CEP162: variants seen among roughly 807,000 people sequenced by gnomAD.
CEP162 encodes centrosomal protein of 162 kDa.
A neutral mutation model predicts 169.2 loss-of-function variants in CEP162; 141 were observed. The ratio of observed to expected loss-of-function variants is 0.83; its 90% confidence interval spans 0.73 to 0.96. The LOEUF (loss-of-function observed/expected upper bound fraction) is 0.96. CEP162 is among the 40% of genes least tolerant of loss of function. CEP162 has a pLI of 0.00. For missense variants in CEP162, 1,600 were observed against 1,587.2 expected (o/e 1.01, Z -0.14); for synonymous variants, 540 against 526.4 (o/e 1.03, Z -0.35).
chr6:84,224,609 T>C (rs2099554992), intron 2 of CEP162, among the ~76,000 whole-genome samples: 1 of 152,230 alleles, frequency 6.6e-6, no homozygotes, highest in Admixed American at 6.5e-5. Context: ...ATATAAACTA[T>C]GTCTTTGAAT....
intron 21 of CEP162, among the ~76,000 whole-genome samples, chr6:84,160,117 C>T (rs549030016): frequency 1.3e-5 from 2 of 152,186 alleles, no homozygotes; most frequent in African/African-American, 2.4e-5. Context: ...GACTTGACTA[C>T]AGAATCATGT....
intron 13 of CEP162, among the ~76,000 whole-genome samples, chr6:84,176,007 A>T (rs2099532273): frequency 1.3e-5 from 2 of 152,272 alleles, no homozygotes; most frequent in African/African-American, 4.8e-5. Context: ...AAATCATTCT[A>T]AGGCTAATAT....
At chr6:84,146,964 C>T (rs953839817) in intron 24 of CEP162, among the ~76,000 whole-genome samples, 179 bp from the exon 25 acceptor site, 4 of 152,026 alleles carry the variant, frequency 2.6e-5, no homozygotes, top group Non-Finnish European at 5.9e-5. Context: ...AATAGAATTA[C>T]CGTATTATCT....
At position 84,152,697 on chromosome 6, in the gene CEP162, G is replaced by C; in HGVS notation, c.3477C>G (p.Tyr1159Ter). 1 of 1,612,800 alleles carries C rather than the reference G, an allele frequency of 6.2e-7. No individual in the cohort carries two copies. The change falls in exon 23 of 27, where the codon TAC (tyrosine) becomes TAG (stop). Residue 1159 changes from tyrosine to a stop codon, truncating the protein, a stop_gained. Transcript: ENST00000403245. LOFTEE classifies it high-confidence loss of function. ...SFPGTLDSKL[Y>*]QPHTFTDSHV... ...GGGAATCAGTGAAAGTATGTGGTTG[G>C]TACAGCTTGCTGTCCAGGGTTCCAG...
intron 13 of CEP162, among the ~76,000 whole-genome samples, chr6:84,180,835 G>A (rs981840846): frequency 7.9e-5 from 12 of 152,016 alleles, no homozygotes; most frequent in African/African-American, 1.9e-4. Flanking sequence ...ACTGCTCAAC[G>A]AAATAAAAGA....
At chr6:84,160,389 T>C (rs1228642580) in intron 21 of CEP162, among the ~76,000 whole-genome samples, 1 of 152,168 alleles carries the variant, frequency 6.6e-6, no homozygotes, top group African/African-American at 2.4e-5. Context: ...TTTGGGAAGC[T>C]GAATGTTTTG....
At chr6:84,182,369 T>G (rs2099535250) in intron 13 of CEP162, among the ~76,000 whole-genome samples, 1 of 151,288 alleles carries the variant, frequency 6.6e-6, no homozygotes, top group African/African-American at 2.4e-5. Context: ...TGTCCTTTCA[T>G]GGCAAAAAAA....
chr6:84,157,870 G>C (rs187201457), intron 21 of CEP162, among the ~76,000 whole-genome samples: 1 of 152,222 alleles, frequency 6.6e-6, no homozygotes, highest in Admixed American at 6.5e-5. Context: ...TCTGCCGGAA[G>C]CTCTACTCCA....
chr6:84,164,424 C>T (rs1039452104), intron 18 of CEP162, among the ~76,000 whole-genome samples: 1 of 152,112 alleles, frequency 6.6e-6, no homozygotes, highest in Non-Finnish European at 1.5e-5. Flanking sequence ...GCACTATGTA[C>T]AATAGCAAAG....
At chr6:84,226,505 C>T (rs2099555806) in intron 1 of CEP162, 53 bp from the exon 2 acceptor site, 3 of 774,352 alleles carry the variant, frequency 3.9e-6, no homozygotes, top group Non-Finnish European at 6.4e-6. Context: ...AGATCATGAA[C>T]ACGACCAGAC....
chr6:84,155,011 G>C (rs2099522597), intron 22 of CEP162, among the ~76,000 whole-genome samples: 2 of 151,978 alleles, frequency 1.3e-5, no homozygotes, highest in Admixed American at 6.6e-5. Flanking sequence ...ATACATATCA[G>C]GTGTGTTTTA....
chr6:84,187,301 G>A (rs2099537594), intron 11 of CEP162, among the ~76,000 whole-genome samples: 1 of 152,104 alleles, frequency 6.6e-6, no homozygotes, highest in Admixed American at 6.6e-5. Context: ...CCAAAAATAT[G>A]GGAACTGTTA....
At position 84,175,349 on chromosome 6, in the gene CEP162, T is replaced by C. The variant is rs1457883441; in HGVS notation, c.1664-2A>G. ...TGAGTTTTGTTCCAGATAAGATTTC[T>C]AAATATTATAAACAATGTATAAATG... On this transcript the variant is annotated splice_acceptor_variant, in intron 13 of 26. Coordinates refer to ENST00000403245, the MANE Select transcript of CEP162 (RefSeq NM_014895.4). LOFTEE classifies it high-confidence loss of function. The C allele has an allele frequency of 7.8e-6, 12 of 1,530,750 alleles. No individual in the cohort carries two copies. Among genetic ancestry groups the C allele is most frequent in the Non-Finnish European group, 1.1e-5 (12 of 1,134,142 alleles). The allele number at this position is 1,530,750 out of a possible 1,614,324, so 94.8% of individuals were successfully genotyped here. A position where few individuals can be genotyped will look rare whatever the true frequency, so the allele number is the denominator to read the frequency against.
At chr6:84,163,836 C>T (rs2129211134) in intron 18 of CEP162, among the ~76,000 whole-genome samples, 1 of 151,564 alleles carries the variant, frequency 6.6e-6, no homozygotes, top group East Asian at 1.9e-4. Flanking sequence ...AAGGTGGTGC[C>T]CGCCACCATG....
intron 25 of CEP162, among the ~76,000 whole-genome samples, chr6:84,146,160 T>A (rs749757060): frequency 6.6e-6 from 1 of 152,114 alleles, no homozygotes; most frequent in Non-Finnish European, 1.5e-5. Flanking sequence ...CAATCTCTAA[T>A]CCAAATCTCT....
intron 2 of CEP162, 141 bp downstream of exon 2, chr6:84,226,196 G>A (rs2099555675): frequency 3.2e-6 from 2 of 616,318 alleles, no homozygotes; most frequent in Non-Finnish European, 5.8e-6. Context: ...AACTAGCAGT[G>A]GCAGAAAAGG....
chr6:84,225,851 T>G (rs2099555503), intron 2 of CEP162, among the ~76,000 whole-genome samples: 1 of 151,502 alleles, frequency 6.6e-6, no homozygotes, highest in Non-Finnish European at 1.5e-5. Context: ...AGGTAAAGAG[T>G]AAGGGAGGAG....
At chr6:84,192,414 A>G (rs1240982286) in intron 11 of CEP162, among the ~76,000 whole-genome samples, 1 of 152,256 alleles carries the variant, frequency 6.6e-6, no homozygotes, top group African/African-American at 2.4e-5. Flanking sequence ...TACCGCTAAC[A>G]TACTCCCAAA....
chr6:84,133,870 TC>T (rs2099512695), intron 25 of CEP162, among the ~76,000 whole-genome samples: 1 of 152,136 alleles, frequency 6.6e-6, no homozygotes, highest in Non-Finnish European at 1.5e-5. Context: ...GTACCCACTG[TC>T]CAACAAGCCC....
Sources: allele counts gnomAD v4.1 joint callset (sites outside exome capture counted in the v4.1 genomes callset), GRCh38; gene constraint gnomAD v4.1.1; transcripts MANE v1.5; gene names NCBI Gene and HGNC (gene_info 2026-07-23, HGNC 2026-07-21).